The following INSL6 variants were observed in gnomAD, a reference collection of about 807,000 sequenced individuals.
The protein encoded by INSL6 is insulin-like peptide INSL6.
INSL6 carries 16 observed loss-of-function variants against 9.4 expected under a neutral mutation model. The observed-to-expected ratio is 1.70, with a 90% CI of 1.15 to 2.59. The LOEUF is 2.59. INSL6 is among the 30% of genes most tolerant of loss of function. The pLI is 0.00. For missense variants in INSL6, 391 were observed against 257.3 expected, an observed-to-expected ratio of 1.52 and a Z score of -3.56; for synonymous variants, 154 against 96.9, an observed-to-expected ratio of 1.59 and a Z score of -3.46.
At chr9:5,114,573 T>A in the INSL6 span, 3 of 491,170 alleles carry the variant, frequency 6.1e-6, no homozygotes, top group South Asian at 1.6e-5. Context: ...CCAGAACTTC[T>A]GGCCCAAGGA....
intron 3 of INSL6, chr9:5,126,436 G>T: frequency 6.2e-7 from 1 of 1,600,592 alleles, no homozygotes; most frequent in South Asian, 1.1e-5. Flanking sequence ...CCAGATGGAT[G>T]CCCAGATGAG....
rs751444905 is a variant in INSL6, at chr9:5,185,579, G to C, written c.24C>G (p.Ser8=). 6.2e-7 allele frequency: 1 copy of C among 1,613,546 alleles called. No individual in the cohort carries two copies. Among genetic ancestry groups the C allele is most frequent in the African/African-American group, 1.3e-5 (1 of 74,942 alleles). The change falls in exon 1 of 2, where the codon TCC becomes TCG. Residue 8 remains serine (S), a synonymous_variant. Coordinates refer to ENST00000381641, the MANE Select transcript of INSL6 (RefSeq NM_007179.3). The stretch of plus-strand genomic sequence containing the variant: ...CCAGCAGGAGTCCAAGCCACAGCAG[G>C]GACAAGCGGAGGAGCCGCGGCATCC... MPRLLRL[S]LLWLGLLLVR...
At chr9:5,119,609 G>A (rs1823463092), downstream of INSL6, among the ~76,000 whole-genome samples, 2 of 152,066 alleles carry the variant, frequency 1.3e-5, no homozygotes, top group Non-Finnish European at 2.9e-5. Flanking sequence ...ATAATACAGA[G>A]TAAAATATGG....
exon 4 of INSL6, among the ~76,000 whole-genome samples, chr9:5,124,442 C>G (rs1823844564): frequency 6.6e-6 from 1 of 151,590 alleles, no homozygotes; most frequent in African/African-American, 2.4e-5. Flanking sequence ...TCCAATTTAC[C>G]AGCACCATTT....
At chr9:5,003,666 T>C in the INSL6 span, among the ~76,000 whole-genome samples, 2 of 152,226 alleles carry the variant, frequency 1.3e-5, no homozygotes, top group Non-Finnish European at 2.9e-5. Flanking sequence ...ACAATTTTAC[T>C]TATCCTTTCT....
At chr9:5,118,370 T>G in the INSL6 span, among the ~76,000 whole-genome samples, 1 of 152,240 alleles carries the variant, frequency 6.6e-6, no homozygotes. Context: ...ATTTTCTTTG[T>G]AACCAAGATA....
At chr9:5,062,542 G>T in the INSL6 span, among the ~76,000 whole-genome samples, 1 of 118,564 alleles carries the variant, frequency 8.4e-6, no homozygotes, top group African/African-American at 4.9e-5. Flanking sequence ...GGTCATATCT[G>T]CAAGGAGCAA....
intron 3 of INSL6, among the ~76,000 whole-genome samples, chr9:5,131,064 T>C (rs937535849): frequency 4.6e-5 from 7 of 152,092 alleles, no homozygotes; most frequent in Non-Finnish European, 8.8e-5. Flanking sequence ...TAGTATAAGA[T>C]TGTGAGTTGG....
chr9:5,040,431 A>G, the INSL6 span, among the ~76,000 whole-genome samples: 2 of 152,216 alleles, frequency 1.3e-5, no homozygotes, highest in African/African-American at 4.8e-5. Context: ...AGCTCAAGTG[A>G]CAAAAGAAAA....
chr9:4,995,742 T>C, the INSL6 span, among the ~76,000 whole-genome samples: 2 of 152,236 alleles, frequency 1.3e-5, no homozygotes, highest in South Asian at 2.1e-4. Flanking sequence ...CATTTAGGAA[T>C]AGAAGCAGAT....
the INSL6 span, among the ~76,000 whole-genome samples, chr9:5,051,511 A>G: frequency 2.0e-5 from 3 of 152,136 alleles, no homozygotes; most frequent in African/African-American, 2.4e-5. Context: ...GAAGCCCACA[A>G]ATATGAATTT....
chr9:5,073,730 G>C, the INSL6 span: 1 of 1,612,318 alleles, frequency 6.2e-7, no homozygotes, highest in South Asian at 1.1e-5. Context: ...TGATGAGCAA[G>C]CTTTCTCACA....
chr9:5,176,502 T>C (rs752160932), intron 1 of INSL6, among the ~76,000 whole-genome samples: 5 of 152,138 alleles, frequency 3.3e-5, no homozygotes, highest in Non-Finnish European at 7.3e-5. Context: ...CAATGAGTAT[T>C]TGCTTAATAA....
At chr9:5,083,298 C>T in the INSL6 span, among the ~76,000 whole-genome samples, 2 of 152,162 alleles carry the variant, frequency 1.3e-5, no homozygotes, top group African/African-American at 2.4e-5. Context: ...TCATGTATAA[C>T]CTACATATTA....
the INSL6 span, chr9:5,097,375 C>G: frequency 1.3e-4 from 19 of 151,900 alleles, no homozygotes; most frequent in African/African-American, 3.4e-4. Context: ...CTTTGGTCAC[C>G]CTGAAGTTTA....
the INSL6 span, among the ~76,000 whole-genome samples, chr9:5,018,227 T>G: frequency 6.6e-6 from 1 of 152,234 alleles, no homozygotes; most frequent in African/African-American, 2.4e-5. Flanking sequence ...TCTATAGTGA[T>G]AACATTTGAA....
At chr9:5,010,947 C>T in the INSL6 span, among the ~76,000 whole-genome samples, 1 of 152,308 alleles carries the variant, frequency 6.6e-6, no homozygotes, top group African/African-American at 2.4e-5. Flanking sequence ...CCTCTCCCTA[C>T]CAGTACTTTG....
At chr9:5,111,706 C>A in the INSL6 span, 1 of 430,166 alleles carries the variant, frequency 2.3e-6, no homozygotes, top group Non-Finnish European at 4.6e-6. Flanking sequence ...GCACGTTTGG[C>A]GGCCTGCACC....
chr9:5,172,540 G>A (rs11791281), intron 1 of INSL6, among the ~76,000 whole-genome samples: 51,811 of 152,052 alleles, frequency 0.34, 9,279 homozygotes, highest in African/African-American at 0.47. Flanking sequence ...AGAGTGGGAG[G>A]AAATTTTTGC....
Sources: gnomAD v4.1 joint callset for allele counts (sites outside exome capture counted in the v4.1 genomes callset) on GRCh38, gnomAD v4.1.1 for gene constraint, MANE v1.5 for transcripts, NCBI Gene and HGNC (gene_info 2026-07-23, HGNC 2026-07-21) for gene names.